Variants in RBFOX1 observed in about 807,000 individuals in gnomAD.
The protein encoded by RBFOX1 is RNA binding fox-1 homolog 1, also known as RNA binding protein fox-1 homolog 1.
Under a neutral mutation model 57.7 loss-of-function variants are expected in RBFOX1, and 8 were observed. That is an observed-to-expected ratio of 0.14 (90% CI 0.08 to 0.25). The LOEUF is 0.25. Among genes scored for constraint, RBFOX1 ranks in the 10% least tolerant of loss-of-function variants. RBFOX1 has a pLI of 1.00. For missense variants in RBFOX1, 611 were observed against 548.5 expected (o/e 1.11, Z -1.14); for synonymous variants, 326 against 222.4 (o/e 1.47, Z -4.15).
chr16:5,319,630 C>G lies in RBFOX1; in HGVS notation c.219+79525C>G, dbSNP rs925948364. Reference sequence around the variant, plus strand: ...GGGTTCCCAGCCTGGTGGGGAAAGACTGACCGTTTCAGTGTCATATATTAA... The same window carrying G: ...GGGTTCCCAGCCTGGTGGGGAAAGAGTGACCGTTTCAGTGTCATATATTAA... On this transcript the variant is annotated intron_variant, in intron 1 of 2. Transcript: ENST00000585867. Among the ~76,000 whole-genome samples, 27 of 152,192 alleles carry G rather than the reference C, an allele frequency of 1.8e-4. 4 individuals carry two copies. The highest frequency in any genetic ancestry group is 1.7e-3 in the Admixed American group (26 of 15,276).
chr16:6,728,580 A>G (rs943787971), intron 3 of RBFOX1, among the ~76,000 whole-genome samples: 1 of 152,212 alleles, frequency 6.6e-6, no homozygotes, highest in South Asian at 2.1e-4. Context: ...ACAATTACTC[A>G]ATATAGGGAA....
chr16:7,692,544 C>T (rs976357307), intron 14 of RBFOX1, among the ~76,000 whole-genome samples: 1 of 152,152 alleles, frequency 6.6e-6, no homozygotes, highest in Non-Finnish European at 1.5e-5. Flanking sequence ...ACTTTTGAGG[C>T]ATTTACGAAC....
chr16:6,888,750 C>T (rs1472674897), intron 3 of RBFOX1, among the ~76,000 whole-genome samples: 1 of 152,126 alleles, frequency 6.6e-6, no homozygotes, highest in East Asian at 1.9e-4. Flanking sequence ...ACTTTGTGAG[C>T]TCATGCCTTA....
chr16:5,944,046 AATCC>A (rs149528363), intron 4 of RBFOX1, among the ~76,000 whole-genome samples: 6,701 of 151,462 alleles, frequency 0.044, 518 homozygotes, highest in African/African-American at 0.15. Flanking sequence ...AGTTATCATC[AATCC>A]ATCCATCCAT....
intron 13 of RBFOX1, among the ~76,000 whole-genome samples, chr16:7,674,341 A>G (rs999502230): frequency 1.3e-5 from 2 of 152,200 alleles, no homozygotes; most frequent in Non-Finnish European, 2.9e-5. Flanking sequence ...TGAAAAGTAA[A>G]TTTAAAAATC....
At chr16:7,220,757 A>C (rs116221341) in intron 4 of RBFOX1, among the ~76,000 whole-genome samples, 3,493 of 152,220 alleles carry the variant, frequency 0.023, 142 homozygotes, top group African/African-American at 0.08. Flanking sequence ...TTCCAGGCCC[A>C]CATCTGACCT....
chr16:6,479,949 G>A (rs2095345859), intron 2 of RBFOX1, among the ~76,000 whole-genome samples: 1 of 151,618 alleles, frequency 6.6e-6, no homozygotes, highest in African/African-American at 2.4e-5. Context: ...TACTCGGGAG[G>A]CTGAGGCACA....
chr16:6,813,835 C>T (rs145205414), intron 3 of RBFOX1, among the ~76,000 whole-genome samples: 110 of 152,218 alleles, frequency 7.2e-4, no homozygotes, highest in African/African-American at 2.1e-3. Flanking sequence ...GCTGTTGATA[C>T]CCCCAACCCC....
chr16:7,457,286 T>G (rs2058717038), intron 4 of RBFOX1, among the ~76,000 whole-genome samples: 1 of 152,134 alleles, frequency 6.6e-6, no homozygotes, highest in African/African-American at 2.4e-5. Context: ...TGTCATGGAA[T>G]AGCAAACACT....
chr16:5,783,026 C>T lies in RBFOX1; in HGVS notation c.319-84277C>T, dbSNP rs140809092. 2.8e-4 allele frequency among the ~76,000 whole-genome samples: 43 copies of T among 152,320 alleles called. No homozygotes were observed. In the East Asian group the frequency reaches 8.1e-3, roughly 29 times the overall value. On this transcript the variant is annotated intron_variant, in intron 3 of 19. Coordinates refer to the RBFOX1 transcript ENST00000641259. ...TAAATACTCTTTGCATCCCCCCAAACACCCTCATGGACACACCCAGAAGTA... is the reference window on the plus strand; with the variant it reads ...TAAATACTCTTTGCATCCCCCCAAATACCCTCATGGACACACCCAGAAGTA...
chr16:7,183,959 A>G (rs544719430), intron 4 of RBFOX1, among the ~76,000 whole-genome samples: 4 of 152,310 alleles, frequency 2.6e-5, no homozygotes, highest in South Asian at 4.1e-4. Context: ...TCAGACTGCA[A>G]TGATGACGTC....
chr16:6,401,063 C>T (rs990241033), intron 2 of RBFOX1, among the ~76,000 whole-genome samples: 25 of 152,244 alleles, frequency 1.6e-4, no homozygotes, highest in African/African-American at 6.0e-4. Flanking sequence ...TTCTAAATAT[C>T]ATTAATCATT....
intron 5 of RBFOX1, among the ~76,000 whole-genome samples, chr16:7,540,619 G>A (rs2082663626): frequency 6.6e-6 from 1 of 152,130 alleles, no homozygotes; most frequent in Admixed American, 6.5e-5. Context: ...TGTTGTCATG[G>A]ACATAAAAGA....
chr16:5,282,477 G>A (rs1054161749), intron 1 of RBFOX1, among the ~76,000 whole-genome samples: 7 of 152,200 alleles, frequency 4.6e-5, no homozygotes, highest in Non-Finnish European at 7.3e-5. Flanking sequence ...GGAAAATTTG[G>A]AAGAAATTTC....
intron 3 of RBFOX1, among the ~76,000 whole-genome samples, chr16:5,729,009 G>C (rs946354262): frequency 2.6e-5 from 4 of 152,208 alleles, no homozygotes; most frequent in African/African-American, 7.2e-5. Flanking sequence ...CCGCTGACAG[G>C]TGAGAGCTCT....
At chr16:6,072,988 C>T (rs1456521337) in intron 1 of RBFOX1, among the ~76,000 whole-genome samples, 4 of 152,092 alleles carry the variant, frequency 2.6e-5, no homozygotes, top group Non-Finnish European at 5.9e-5. Flanking sequence ...CTCCATAAAA[C>T]CATAAAAATC....
At chr16:7,326,473 A>G (rs1038978234) in intron 4 of RBFOX1, among the ~76,000 whole-genome samples, 16 of 152,102 alleles carry the variant, frequency 1.1e-4, no homozygotes, top group African/African-American at 3.9e-4. Context: ...GGCACTGAAG[A>G]CAGACAGAGC....
chr16:7,526,439 C>A (rs756388232), intron 5 of RBFOX1, among the ~76,000 whole-genome samples: 37 of 152,164 alleles, frequency 2.4e-4, no homozygotes, highest in Non-Finnish European at 5.1e-4. Context: ...CTCAAGCTGA[C>A]CATTGAACCT....
At chr16:5,459,338 A>T (rs2068721622) in intron 1 of RBFOX1, among the ~76,000 whole-genome samples, 1 of 152,110 alleles carries the variant, frequency 6.6e-6, no homozygotes, top group East Asian at 1.9e-4. Flanking sequence ...TTCAGGCTTG[A>T]CTGCATCCCA....
Sources: gnomAD v4.1 joint callset for allele counts (sites outside exome capture counted in the v4.1 genomes callset) on GRCh38, gnomAD v4.1.1 for gene constraint, MANE v1.5 for transcripts, NCBI Gene and HGNC (gene_info 2026-07-23, HGNC 2026-07-21) for gene names.